The following TGFBR3 variants were observed in gnomAD, a reference collection of about 807,000 sequenced individuals.
TGFBR3 encodes the protein transforming growth factor beta receptor 3.
A neutral mutation model predicts 87.9 loss-of-function variants in TGFBR3; 46 were observed. That is an observed-to-expected ratio of 0.52 (90% CI 0.41 to 0.67). TGFBR3 has a LOEUF of 0.67. Ranked by LOEUF, TGFBR3 falls within the 30% of genes least tolerant of loss-of-function variation. The probability of loss-of-function intolerance (pLI) is 0.00; values close to 1 mark genes in which losing one functional copy is unlikely to be tolerated. For missense variants in TGFBR3, 866 were observed against 1,041.9 expected (o/e 0.83, Z 2.32); for synonymous variants, 381 against 391.6 (o/e 0.97, Z 0.32).
intron 12 of TGFBR3, among the ~76,000 whole-genome samples, chr1:91,714,366 A>ACAAATGAACCAAAAGAAAACTGC (rs1672086902): frequency 1.3e-5 from 2 of 152,228 alleles, no homozygotes; most frequent in Admixed American, 1.3e-4. Context: ...ATTCCCCAAG[A>ACAAATGAACCAAAAGAAAACTGC]CAAATGAACC....
chr1:91,747,194 G>T (rs2100859938), intron 4 of TGFBR3, among the ~76,000 whole-genome samples: 1 of 152,276 alleles, frequency 6.6e-6, no homozygotes, highest in East Asian at 1.9e-4. Context: ...TGGGAAGGTG[G>T]ACACTCTGCC....
intron 2 of TGFBR3, chr1:91,800,902 T>A (rs914064719): frequency 1.6e-5 from 3 of 190,818 alleles, no homozygotes; most frequent in African/African-American, 7.1e-5. Context: ...CTAGCCAACA[T>A]GGTAAACCCC....
intron 3 of TGFBR3, among the ~76,000 whole-genome samples, chr1:91,773,346 G>A (rs1044112632): frequency 1.3e-5 from 2 of 151,828 alleles, no homozygotes; most frequent in African/African-American, 4.8e-5. Context: ...TAGAGCCTAT[G>A]GTTCTTTCAG....
chr1:91,683,185 C>T lies in TGFBR3; in HGVS notation c.*554G>A, dbSNP rs1670969382. ...CACCCATCAAGGGACACATCAGACC[C>T]CACAGGTTGTGGCAGCAAGGTCAGA... On this transcript the variant is annotated 3_prime_UTR_variant, in exon 17 of 17. Transcript: ENST00000212355. The T allele has an allele frequency of 2.2e-6, 1 of 454,408 alleles. No homozygotes were observed. Among genetic ancestry groups the T allele is most frequent in the Non-Finnish European group, 4.4e-6 (1 of 226,808 alleles). 28.1% of individuals were successfully genotyped at this position (454,408 alleles called of 1,614,324 possible).
At chr1:91,776,432 T>C (rs555496687) in intron 3 of TGFBR3, among the ~76,000 whole-genome samples, 4 of 152,348 alleles carry the variant, frequency 2.6e-5, no homozygotes, top group East Asian at 1.9e-4. Context: ...ACTCCATCTA[T>C]AGGAAGTGTG....
intron 14 of TGFBR3, among the ~76,000 whole-genome samples, chr1:91,699,885 G>A (rs1410797807): frequency 1.3e-5 from 2 of 152,214 alleles, no homozygotes. Context: ...CAGCAGTGAG[G>A]CTGAGACCAG....
chr1:91,804,430 C>T (rs1028314689), intron 2 of TGFBR3, among the ~76,000 whole-genome samples: 1 of 152,184 alleles, frequency 6.6e-6, no homozygotes, highest in Non-Finnish European at 1.5e-5. Context: ...AGGCCCTAGC[C>T]TTCCTGTCCC....
chr1:91,786,708 G>A (rs913390262), intron 3 of TGFBR3, among the ~76,000 whole-genome samples: 2 of 151,514 alleles, frequency 1.3e-5, no homozygotes, highest in Non-Finnish European at 2.9e-5. Context: ...CCAAGATCGC[G>A]CCAATGCACT....
intron 14 of TGFBR3, among the ~76,000 whole-genome samples, chr1:91,706,244 G>A (rs2100744901): frequency 6.6e-6 from 1 of 152,274 alleles, no homozygotes; most frequent in East Asian, 1.9e-4. Context: ...GCATTCCCAG[G>A]AGTTTAGGCA....
chr1:91,761,759 G>C (rs1435618949), intron 3 of TGFBR3, among the ~76,000 whole-genome samples: 1 of 151,364 alleles, frequency 6.6e-6, no homozygotes, highest in East Asian at 1.9e-4. Flanking sequence ...CCCAGGCTTG[G>C]GGGAAAAAAA....
intron 5 of TGFBR3, among the ~76,000 whole-genome samples, chr1:91,733,733 A>C (rs907285285): frequency 1.3e-5 from 2 of 152,164 alleles, no homozygotes; most frequent in African/African-American, 4.8e-5. Context: ...AACTGAAAAT[A>C]ATGATTTTTA....
At chr1:91,830,995 G>C (rs1194581565) in intron 2 of TGFBR3, among the ~76,000 whole-genome samples, 1 of 152,056 alleles carries the variant, frequency 6.6e-6, no homozygotes, top group African/African-American at 2.4e-5. Context: ...TTCTGGACTG[G>C]AGTCCCAAAG....
chr1:91,795,562 C>A (rs1675349250), intron 3 of TGFBR3, among the ~76,000 whole-genome samples: 1 of 152,224 alleles, frequency 6.6e-6, no homozygotes, highest in Admixed American at 6.5e-5. Context: ...CAGTACTGCA[C>A]AATTTAACGT....
chr1:91,828,784 T>C (rs1333041866), intron 2 of TGFBR3, among the ~76,000 whole-genome samples: 1 of 149,136 alleles, frequency 6.7e-6, no homozygotes, highest in African/African-American at 2.5e-5. Context: ...CCTGTATTAC[T>C]GTCACTGCAG....
intron 7 of TGFBR3, among the ~76,000 whole-genome samples, chr1:91,725,456 T>C (rs1422317668): frequency 6.6e-6 from 1 of 152,222 alleles, no homozygotes; most frequent in African/African-American, 2.4e-5. Context: ...ATTATCTTAT[T>C]TCTCTTCCAA....
At chr1:91,882,064 A>AAATAAT (rs1222068806) in intron 1 of TGFBR3, among the ~76,000 whole-genome samples, 2 of 84,526 alleles carry the variant, frequency 2.4e-5, no homozygotes, top group African/African-American at 8.1e-5. Flanking sequence ...AATAAATAAT[A>AAATAAT]AAAAAATACT....
In TGFBR3 at chr1:91,708,769, G is replaced by A. The variant is rs376382556; in HGVS notation, c.2181C>T (p.Asp727=). ...AGGCGTCCAGCGAGGTGCAGGCTTC[G>A]TCAGGAGGCACACACTGCAGACAGG... is the stretch of plus-strand genomic sequence containing the variant. ...PQKLPKCVPP[D]EACTSLDASI... is the part of the protein sequence containing the mutation. Residue 727 remains aspartate, a synonymous_variant, in exon 14 of 17, where the codon GAC becomes GAT. Coordinates refer to ENST00000212355, the MANE Select transcript of TGFBR3 (RefSeq NM_003243.5). The A allele has an allele frequency of 1.5e-5, 24 of 1,613,832 alleles. No individual in the cohort carries two copies. The highest frequency in any genetic ancestry group is 1.7e-4 in the Middle Eastern group (1 of 6,014).
chr1:91,792,625 C>T (rs536674654), intron 3 of TGFBR3, among the ~76,000 whole-genome samples: 56 of 152,236 alleles, frequency 3.7e-4, no homozygotes, highest in African/African-American at 1.3e-3. Flanking sequence ...TGTTGCCATT[C>T]CAGCAACTAA....
intron 3 of TGFBR3, among the ~76,000 whole-genome samples, chr1:91,792,020 G>T (rs1228050886): frequency 1.3e-5 from 2 of 151,972 alleles, no homozygotes; most frequent in African/African-American, 4.8e-5. Flanking sequence ...CCCTCAAAAA[G>T]AACCAAAAAA....
Sources: gnomAD v4.1 joint callset for allele counts (sites outside exome capture counted in the v4.1 genomes callset) on GRCh38, gnomAD v4.1.1 for gene constraint, MANE v1.5 for transcripts, NCBI Gene and HGNC (gene_info 2026-07-23, HGNC 2026-07-21) for gene names.